RCL1: variants seen among roughly 807,000 people sequenced by gnomAD.
The protein encoded by RCL1 is RNA 3'-terminal phosphate cyclase-like protein.
RCL1 carries 24 observed loss-of-function variants against 42.4 expected under a neutral mutation model. That is an observed-to-expected ratio of 0.57 (90% confidence interval 0.41 to 0.80). The LOEUF is 0.80. Ranked by LOEUF, RCL1 falls within the 30% of genes least tolerant of loss-of-function variation. The probability of loss-of-function intolerance (pLI) is 0.00; values close to 1 mark genes in which losing one functional copy is unlikely to be tolerated. For synonymous variants in RCL1, 228 were observed against 177.3 expected (o/e 1.29, Z -2.27); for missense variants, 578 against 467.9 (o/e 1.24, Z -2.17).
chr9:4,814,278 T>G (rs576803551), intron 1 of RCL1, among the ~76,000 whole-genome samples: 1 of 146,610 alleles, frequency 6.8e-6, no homozygotes, highest in African/African-American at 2.5e-5. Context: ...GAGGGGGTTT[T>G]GAAATTTAAA....
chr9:4,829,579 G>A (rs115244793), intron 3 of RCL1, among the ~76,000 whole-genome samples: 4 of 152,216 alleles, frequency 2.6e-5, no homozygotes, highest in South Asian at 2.1e-4. Flanking sequence ...AGGTCATCAC[G>A]ATCTTACCTG....
chr9:4,843,321 G>A (rs891444720), intron 6 of RCL1, among the ~76,000 whole-genome samples: 4 of 152,074 alleles, frequency 2.6e-5, no homozygotes, highest in African/African-American at 7.2e-5. Flanking sequence ...CTATGTCAGC[G>A]CTTTGGCCAG....
intron 8 of RCL1, among the ~76,000 whole-genome samples, chr9:4,853,357 C>A (rs984863406): frequency 6.7e-6 from 1 of 148,814 alleles, no homozygotes; most frequent in Non-Finnish European, 1.5e-5. Context: ...GGAGTCTCCT[C>A]TGTCGCCCAG....
At chr9:4,841,906 G>T (rs1056844252) in intron 6 of RCL1, among the ~76,000 whole-genome samples, 2 of 152,176 alleles carry the variant, frequency 1.3e-5, no homozygotes, top group African/African-American at 2.4e-5. Context: ...AAAAAATGAT[G>T]CTCTATGTAA....
intron 3 of RCL1, among the ~76,000 whole-genome samples, chr9:4,831,887 C>G (rs1563845164): frequency 6.6e-6 from 1 of 152,162 alleles, no homozygotes; most frequent in Non-Finnish European, 1.5e-5. Context: ...AGCCCCTTGC[C>G]TTAGAGATAA....
intron 1 of RCL1, among the ~76,000 whole-genome samples, chr9:4,815,406 A>G (rs1816336522): frequency 6.7e-6 from 1 of 150,270 alleles, no homozygotes; most frequent in Non-Finnish European, 1.5e-5. Flanking sequence ...TAGTTCTATT[A>G]TATTTATTTC....
chr9:4,814,501 T>C (rs917093557), intron 1 of RCL1, among the ~76,000 whole-genome samples: 2 of 152,156 alleles, frequency 1.3e-5, no homozygotes, highest in East Asian at 1.9e-4. Context: ...CTCCTGGGCA[T>C]GATCATCCTC....
chr9:4,824,681 G>A (rs1816702026), intron 2 of RCL1, among the ~76,000 whole-genome samples: 2 of 151,970 alleles, frequency 1.3e-5, no homozygotes, highest in Admixed American at 1.3e-4. Context: ...TCCCTATCTT[G>A]GCTCTCTTAA....
intron 1 of RCL1, among the ~76,000 whole-genome samples, chr9:4,803,356 A>G (rs571116922): frequency 1.3e-5 from 2 of 152,318 alleles, no homozygotes; most frequent in Admixed American, 1.3e-4. Flanking sequence ...TTCTTCTAAC[A>G]TCATAATAAT....
intron 1 of RCL1, among the ~76,000 whole-genome samples, chr9:4,801,302 G>C (rs1842996714): frequency 6.6e-6 from 1 of 152,086 alleles, no homozygotes; most frequent in Non-Finnish European, 1.5e-5. Context: ...CTCCCGAGTA[G>C]CTGGGACTAC....
chr9:4,829,234 A>G lies in RCL1; in HGVS notation c.384+2201A>G, dbSNP rs1397982524. On this transcript the variant is annotated intron_variant, in intron 3 of 8. Coordinates refer to ENST00000381750, the MANE Select transcript of RCL1 (RefSeq NM_005772.5). ...CAGAATCAGTCTGGGTTTTAGGAAGATAATTCTGGAGGTTGAGTGAAAGAT... is the reference window on the plus strand; with the variant it reads ...CAGAATCAGTCTGGGTTTTAGGAAGGTAATTCTGGAGGTTGAGTGAAAGAT... Among the ~76,000 whole-genome samples the G allele has an allele frequency of 2.6e-5, 4 of 152,200 alleles. No homozygotes were observed. The East Asian group carries it at 7.7e-4, about 29-fold the overall frequency.
At chr9:4,853,766 T>G (rs1178448435) in intron 8 of RCL1, among the ~76,000 whole-genome samples, 1 of 151,866 alleles carries the variant, frequency 6.6e-6, no homozygotes, top group Non-Finnish European at 1.5e-5. Flanking sequence ...TTTCTATCTT[T>G]AGTTGGAAAT....
rs182669402 is a variant in RCL1 at position 4,858,107 on chromosome 9, C to A, written c.972-2018C>A. On this transcript the variant is annotated intron_variant, in intron 8 of 8. Transcript: ENST00000381750. ...AATAGACTGGTCTTGAATTCCAGGC[C>A]CCAAGCAATTTGCCTGCCTTGGCCT... 3.6e-4 allele frequency among the ~76,000 whole-genome samples: 54 copies of A among 151,812 alleles called. 1 individual carries two copies. The East Asian group carries it at 8.9e-3, about 25-fold the overall frequency.
rs201249508 is a variant in RCL1 at position 4,860,108 on chromosome 9, A to T, written c.972-17A>T. On this transcript the variant is annotated splice_polypyrimidine_tract_variant and intron_variant, in intron 8 of 8. Transcript: ENST00000381750. ...TGAATTTCTTTTTATTTATTTATTTATTTTTTTCCTTTTTAGGATAGAATT... is the reference window on the plus strand; with the variant it reads ...TGAATTTCTTTTTATTTATTTATTTTTTTTTTTCCTTTTTAGGATAGAATT... 7,917 of 1,489,872 alleles carry T rather than the reference A, an allele frequency of 5.3e-3. 29 individuals are homozygous for T. The highest frequency in any genetic ancestry group is 6.4e-3 in the Non-Finnish European group (7,049 of 1,105,978). The allele number at this position is 1,489,872 out of a possible 1,614,324, so 92.3% of individuals were successfully genotyped here.
At chr9:4,815,097 C>G (rs1446359023) in intron 1 of RCL1, among the ~76,000 whole-genome samples, 1 of 151,886 alleles carries the variant, frequency 6.6e-6, no homozygotes, top group Non-Finnish European at 1.5e-5. Flanking sequence ...TTGGGAAGAC[C>G]CTTTTGGGTT....
In RCL1 at chr9:4,826,968, C is replaced by G; in HGVS notation, c.319C>G (p.Pro107Ala). ...CCTGGAGAGTCTTCTTTGCTTGGCT[C>G]CATTTATGAAGCACCCGTTAAAAAT... ...YYLESLLCLA[P>A]FMKHPLKIVL... Residue 107 changes from proline to alanine, a missense_variant, in exon 3 of 9, where the codon CCA (proline) becomes GCA (alanine). Physicochemically the swap from Pro to Ala is conservative, Grantham distance 27. Coordinates refer to ENST00000381750, the MANE Select transcript of RCL1 (RefSeq NM_005772.5). 6.2e-7 allele frequency: 1 copy of G among 1,614,122 alleles called. No individual in the cohort carries two copies. The highest frequency in any genetic ancestry group is 8.5e-7 in the Non-Finnish European group (1 of 1,180,024).
intron 8 of RCL1, among the ~76,000 whole-genome samples, chr9:4,859,436 A>T (rs1465863296): frequency 6.6e-6 from 1 of 152,158 alleles, no homozygotes; most frequent in Non-Finnish European, 1.5e-5. Flanking sequence ...AATCCTCCTG[A>T]GGGAAGGATT....
At chr9:4,825,811 G>C (rs1816740873) in intron 2 of RCL1, among the ~76,000 whole-genome samples, 1 of 152,042 alleles carries the variant, frequency 6.6e-6, no homozygotes, top group African/African-American at 2.4e-5. Flanking sequence ...GATGAGATGG[G>C]AGTAAGAAGC....
At chr9:4,808,704 T>C (rs758139541) in intron 1 of RCL1, among the ~76,000 whole-genome samples, 8 of 152,128 alleles carry the variant, frequency 5.3e-5, no homozygotes, top group Non-Finnish European at 1.0e-4. Context: ...AGAGTTCAGG[T>C]ATAAAAAACT....
Sources: allele counts gnomAD v4.1 joint callset (sites outside exome capture counted in the v4.1 genomes callset), GRCh38; gene constraint gnomAD v4.1.1; transcripts MANE v1.5; gene names NCBI Gene and HGNC (gene_info 2026-07-23, HGNC 2026-07-21).